The following LRRC4C variants were observed in gnomAD, a reference collection of about 807,000 sequenced individuals.
LRRC4C encodes leucine rich repeat containing 4C.
LRRC4C carries 5 observed loss-of-function variants against 33.6 expected under a neutral mutation model. That is an observed-to-expected ratio of 0.15 (90% CI 0.08 to 0.31). The LOEUF (loss-of-function observed/expected upper bound fraction) is 0.31. Ranked by LOEUF, LRRC4C falls within the 10% of genes least tolerant of loss-of-function variation. The pLI is 1.00. For synonymous variants in LRRC4C, 329 were observed against 302.0 expected, an observed-to-expected ratio of 1.09 and a Z score of -0.93; for missense variants, 560 against 796.7, an observed-to-expected ratio of 0.70 and a Z score of 3.58.
chr11:40,129,132 G>A (rs1182819708), intron 6 of LRRC4C, among the ~76,000 whole-genome samples: 1 of 152,034 alleles, frequency 6.6e-6, no homozygotes, highest in Non-Finnish European at 1.5e-5. Context: ...ACAGAAGCAG[G>A]TTGAAAACTC....
intron 2 of LRRC4C, among the ~76,000 whole-genome samples, chr11:40,698,643 C>CT (rs1399706854): frequency 6.6e-6 from 1 of 152,100 alleles, no homozygotes; most frequent in African/African-American, 2.4e-5. Flanking sequence ...TAAACAAATA[C>CT]TTTATTAGTC....
chr11:41,021,578 T>C lies in LRRC4C; in HGVS notation c.-495-87855A>G, dbSNP rs375232654. Among the ~76,000 whole-genome samples, 19 of 152,200 alleles carry C rather than the reference T, an allele frequency of 1.2e-4. No individual in the cohort carries two copies. In the East Asian group the frequency reaches 1.5e-3, roughly 12 times the overall value. On this transcript the variant is annotated intron_variant, in intron 1 of 6. Transcript: ENST00000528697. ...TACTTTATAACGTTCAAATCTATTA[T>C]ATCACCACCATTTTAGATATTCTAT...
chr11:41,197,199 T>A (rs1946214356), intron 1 of LRRC4C, among the ~76,000 whole-genome samples: 1 of 152,020 alleles, frequency 6.6e-6, no homozygotes, highest in Non-Finnish European at 1.5e-5. Context: ...CATCCACAGA[T>A]CTCTATACCC....
intron 1 of LRRC4C, among the ~76,000 whole-genome samples, chr11:41,196,597 A>G (rs1946188568): frequency 6.6e-6 from 1 of 152,108 alleles, no homozygotes; most frequent in South Asian, 2.1e-4. Flanking sequence ...GGGCAGTTCT[A>G]TAATGAATAA....
intron 2 of LRRC4C, among the ~76,000 whole-genome samples, chr11:40,917,212 G>A (rs1185057531): frequency 6.6e-6 from 1 of 152,082 alleles, no homozygotes; most frequent in Non-Finnish European, 1.5e-5. Flanking sequence ...CTCTAATCCA[G>A]TCAGTTTTTT....
intron 6 of LRRC4C, among the ~76,000 whole-genome samples, chr11:40,117,900 T>C (rs947623486): frequency 2.6e-5 from 4 of 151,610 alleles, no homozygotes; most frequent in African/African-American, 7.3e-5. Flanking sequence ...AATGAGTTAA[T>C]ACAGAAAAAG....
intron 1 of LRRC4C, among the ~76,000 whole-genome samples, chr11:41,253,538 G>A (rs1037775510): frequency 2.6e-5 from 4 of 152,044 alleles, no homozygotes; most frequent in Non-Finnish European, 4.4e-5. Context: ...TGTGATAATA[G>A]GCTAAAAGTC....
intron 3 of LRRC4C, among the ~76,000 whole-genome samples, chr11:40,596,409 G>A (rs934587572): frequency 6.6e-6 from 1 of 151,594 alleles, no homozygotes; most frequent in Admixed American, 6.6e-5. Flanking sequence ...AGGGCATTTG[G>A]GGTATCCATC....
chr11:40,384,882 T>C (rs1949043311), intron 3 of LRRC4C, among the ~76,000 whole-genome samples: 1 of 152,188 alleles, frequency 6.6e-6, no homozygotes. Flanking sequence ...TAATAAATTC[T>C]GGAAATTATC....
intron 1 of LRRC4C, among the ~76,000 whole-genome samples, chr11:41,298,750 G>A (rs1950209008): frequency 6.6e-6 from 1 of 152,094 alleles, no homozygotes; most frequent in Non-Finnish European, 1.5e-5. Flanking sequence ...CCCAAATAGT[G>A]TACATTGTAC....
At chr11:40,816,453 G>C (rs908894364) in intron 2 of LRRC4C, among the ~76,000 whole-genome samples, 1 of 152,182 alleles carries the variant, frequency 6.6e-6, no homozygotes, top group Admixed American at 6.5e-5. Flanking sequence ...TCTGCCTGAA[G>C]TTTGTCTTTT....
At chr11:40,259,134 G>A (rs981214521) in intron 4 of LRRC4C, among the ~76,000 whole-genome samples, 1 of 152,122 alleles carries the variant, frequency 6.6e-6, no homozygotes, top group African/African-American at 2.4e-5. Flanking sequence ...CAGAATTCAG[G>A]CAAGCAGTTG....
At chr11:40,120,063 T>A (rs1270120281) in intron 6 of LRRC4C, among the ~76,000 whole-genome samples, 1 of 152,264 alleles carries the variant, frequency 6.6e-6, no homozygotes. Context: ...CCCTACTGGC[T>A]GATCCTGCTG....
Position 41,315,336 on chromosome 11 carries a change from T to C in LRRC4C, c.-496+144095A>G, listed in dbSNP as rs1565574448. Among the ~76,000 whole-genome samples the C allele has an allele frequency of 3.3e-5, 5 of 152,290 alleles. No homozygotes were observed. The South Asian group carries it at 1.0e-3, about 32-fold the overall frequency. On this transcript the variant is annotated intron_variant, in intron 1 of 6. Transcript: ENST00000528697. ...ATGTAGGGATGACAATTGTAACCAA[T>C]AGGATATTGCAAAAGTGACTATGGG...
At chr11:40,568,264 T>C (rs962079997) in intron 3 of LRRC4C, among the ~76,000 whole-genome samples, 1 of 152,188 alleles carries the variant, frequency 6.6e-6, no homozygotes, top group Non-Finnish European at 1.5e-5. Flanking sequence ...AAGAAACTGA[T>C]GTCTCCAACC....
At chr11:40,812,274 T>C (rs1381734357) in intron 2 of LRRC4C, among the ~76,000 whole-genome samples, 2 of 152,126 alleles carry the variant, frequency 1.3e-5, no homozygotes, top group Non-Finnish European at 2.9e-5. Context: ...CCATCCTGAT[T>C]TAGCAACTCT....
intron 1 of LRRC4C, among the ~76,000 whole-genome samples, chr11:41,200,166 T>A (rs1325619723): frequency 6.6e-6 from 1 of 152,154 alleles, no homozygotes; most frequent in Non-Finnish European, 1.5e-5. Flanking sequence ...TACAATGCAA[T>A]CTTCGTGGAG....
At chr11:40,304,413 C>T (rs1944926753) in intron 4 of LRRC4C, among the ~76,000 whole-genome samples, 1 of 152,004 alleles carries the variant, frequency 6.6e-6, no homozygotes, top group Admixed American at 6.6e-5. Flanking sequence ...TTAATGGCAC[C>T]CACTGATTGA....
chr11:40,760,882 T>A (rs372011685), intron 2 of LRRC4C, among the ~76,000 whole-genome samples: 1 of 146,210 alleles, frequency 6.8e-6, no homozygotes, highest in Non-Finnish European at 1.5e-5. Flanking sequence ...TTATATATAA[T>A]ATATATATAT....
Sources: gnomAD v4.1 joint callset for allele counts (sites outside exome capture counted in the v4.1 genomes callset) on GRCh38, gnomAD v4.1.1 for gene constraint, MANE v1.5 for transcripts, NCBI Gene and HGNC (gene_info 2026-07-23, HGNC 2026-07-21) for gene names.